The following SLC2A9 variants were observed in gnomAD, a reference collection of about 807,000 sequenced individuals.
SLC2A9 encodes the protein solute carrier family 2, facilitated glucose transporter member 9.
In SLC2A9, 39 loss-of-function variants were observed where a neutral mutation model predicts 50.6. That is an observed-to-expected ratio of 0.77 (90% CI 0.60 to 1.01). The LOEUF (loss-of-function observed/expected upper bound fraction) is 1.01, where lower values mean the gene tolerates loss of function less well. SLC2A9 is among the 50% of genes least tolerant of loss of function. The pLI, the probability that SLC2A9 is intolerant of heterozygous loss-of-function variation, is 0.00. For missense variants in SLC2A9, 686 were observed against 677.6 expected (o/e 1.01, Z -0.14); for synonymous variants, 324 against 276.9 (o/e 1.17, Z -1.69).
intron 5 of SLC2A9, among the ~76,000 whole-genome samples, chr4:9,967,968 T>C (rs991864670): frequency 5.9e-5 from 9 of 152,166 alleles, no homozygotes; most frequent in Non-Finnish European, 1.0e-4. Flanking sequence ...TAAGCCTTTC[T>C]AAGGTTTGAG....
At chr4:9,888,701 T>C (rs1736758027) in intron 9 of SLC2A9, among the ~76,000 whole-genome samples, 1 of 151,536 alleles carries the variant, frequency 6.6e-6, no homozygotes, top group Non-Finnish European at 1.5e-5. Context: ...GGGTTCAGCA[T>C]ACACAAGGGC....
At chr4:9,883,472 G>A (rs1735600687) in intron 10 of SLC2A9, among the ~76,000 whole-genome samples, 1 of 152,204 alleles carries the variant, frequency 6.6e-6, no homozygotes, top group Admixed American at 6.5e-5. Flanking sequence ...TTCTTCATTT[G>A]TAGATGAGAG....
intron 8 of SLC2A9, among the ~76,000 whole-genome samples, chr4:9,892,773 C>T (rs2109809866): frequency 6.6e-6 from 1 of 152,294 alleles, no homozygotes; most frequent in South Asian, 2.1e-4. Flanking sequence ...CCAACTCTTA[C>T]CCGTAGCTGG....
intron 8 of SLC2A9, 92 bp downstream of exon 8, chr4:9,908,143 G>C (rs1265866450): frequency 1.4e-5 from 12 of 871,092 alleles, no homozygotes; most frequent in Admixed American, 3.4e-5. Context: ...TTCTGATGGG[G>C]AAAGCCTGTG....
chr4:9,834,207 T>C (rs917763971), intron 11 of SLC2A9, among the ~76,000 whole-genome samples: 2 of 152,284 alleles, frequency 1.3e-5, no homozygotes, highest in South Asian at 2.1e-4. Context: ...CCCTTCACGA[T>C]TGCCCCATTT....
At chr4:9,908,453 C>CA in intron 7 of SLC2A9, 108 bp from the exon 8 acceptor site, 1 of 766,530 alleles carries the variant, frequency 1.3e-6, no homozygotes, top group African/African-American at 1.7e-5. Context: ...ACTCAGAGTC[C>CA]CAAGGTGGAG....
intron 1 of SLC2A9, among the ~76,000 whole-genome samples, chr4:10,039,298 C>G (rs994487896): frequency 2.6e-5 from 4 of 152,200 alleles, no homozygotes; most frequent in Non-Finnish European, 5.9e-5. Context: ...CTTTTGGAAG[C>G]TGGTGGAGGG....
intron 10 of SLC2A9, among the ~76,000 whole-genome samples, chr4:9,841,950 G>T (rs573753341): frequency 3.3e-4 from 51 of 152,274 alleles, no homozygotes; most frequent in African/African-American, 1.2e-3. Context: ...AGTTCTTAGG[G>T]TTCATAAAAT....
At chr4:9,776,044 G>A (rs183459010), downstream of SLC2A9, among the ~76,000 whole-genome samples, 32 of 152,168 alleles carry the variant, frequency 2.1e-4, no homozygotes, top group Admixed American at 2.1e-3. Context: ...TCGCTCCCTA[G>A]CCTCCACTTG....
downstream of SLC2A9, among the ~76,000 whole-genome samples, chr4:9,794,381 C>T (rs575000339): frequency 2.6e-5 from 4 of 152,310 alleles, no homozygotes; most frequent in South Asian, 4.1e-4. Flanking sequence ...GTCTCAAACT[C>T]CTGACTTCAG....
intron 1 of SLC2A9, among the ~76,000 whole-genome samples, chr4:10,020,835 C>T (rs1343167920): frequency 6.6e-6 from 1 of 152,164 alleles, no homozygotes; most frequent in African/African-American, 2.4e-5. Context: ...AGGTGGGGGC[C>T]ATCTTCTCCT....
intron 5 of SLC2A9, among the ~76,000 whole-genome samples, chr4:9,966,606 T>C (rs1578119228): frequency 8.9e-6 from 1 of 112,528 alleles, no homozygotes; most frequent in East Asian, 2.0e-4. Context: ...AGAGCCAAGG[T>C]CGAGCCCTGC....
At chr4:9,825,365 A>C (rs1724967923), downstream of SLC2A9, among the ~76,000 whole-genome samples, 1 of 152,206 alleles carries the variant, frequency 6.6e-6, no homozygotes, top group African/African-American at 2.4e-5. Flanking sequence ...CAAGATGAGT[A>C]ATCACCCAGT....
chr4:9,964,544 G>T (rs1467504711), intron 5 of SLC2A9, among the ~76,000 whole-genome samples: 3 of 152,202 alleles, frequency 2.0e-5, no homozygotes, highest in Non-Finnish European at 4.4e-5. Flanking sequence ...AAGAGAAACG[G>T]TAGGATTTAC....
At chr4:9,916,525 G>C (rs1742874505) in intron 7 of SLC2A9, among the ~76,000 whole-genome samples, 1 of 152,220 alleles carries the variant, frequency 6.6e-6, no homozygotes, top group African/African-American at 2.4e-5. Flanking sequence ...ATGACAGCAA[G>C]GTTGGGAGGA....
chr4:9,930,472 G>A (rs954496202), intron 6 of SLC2A9, among the ~76,000 whole-genome samples: 2 of 152,152 alleles, frequency 1.3e-5, no homozygotes, highest in Non-Finnish European at 2.9e-5. Flanking sequence ...TGATTGGTAC[G>A]TGGCCACACC....
At chr4:9,909,460 C>T (rs1410737718) in intron 7 of SLC2A9, among the ~76,000 whole-genome samples, 1 of 152,190 alleles carries the variant, frequency 6.6e-6, no homozygotes, top group East Asian at 1.9e-4. Flanking sequence ...GAGGTTAGAC[C>T]TAAATCCTAA....
At chr4:9,855,587 A>G (rs1400581774) in intron 10 of SLC2A9, among the ~76,000 whole-genome samples, 1 of 152,176 alleles carries the variant, frequency 6.6e-6, no homozygotes, top group Admixed American at 6.6e-5. Flanking sequence ...ACTATCAATG[A>G]CATCCTTCAC....
chr4:9,841,693 T>C (rs750921012), intron 10 of SLC2A9, among the ~76,000 whole-genome samples: 22 of 152,106 alleles, frequency 1.4e-4, no homozygotes, highest in Non-Finnish European at 2.9e-4. Flanking sequence ...ATCTGGGTTC[T>C]TCTCTCTCTC....
Sources: allele counts gnomAD v4.1 joint callset (sites outside exome capture counted in the v4.1 genomes callset), GRCh38; gene constraint gnomAD v4.1.1; transcripts MANE v1.5; gene names NCBI Gene and HGNC (gene_info 2026-07-23, HGNC 2026-07-21).